TTLL6: variants seen among roughly 807,000 people sequenced by gnomAD.
TTLL6 encodes the protein tubulin tyrosine ligase like 6.
TTLL6 carries 75 observed loss-of-function variants against 96.4 expected under a neutral mutation model. The observed-to-expected ratio is 0.78, with a 90% CI of 0.65 to 0.94. The LOEUF is 0.94. Ranked by LOEUF, TTLL6 falls within the 40% of genes least tolerant of loss-of-function variation. The pLI is 0.00. For synonymous variants in TTLL6, 411 were observed against 419.4 expected (o/e 0.98, Z 0.24); for missense variants, 1,030 against 1,093.0 (o/e 0.94, Z 0.81).
At chr17:48,802,171 G>A (rs951648776) in intron 3 of TTLL6, among the ~76,000 whole-genome samples, 5 of 151,718 alleles carry the variant, frequency 3.3e-5, no homozygotes, top group Non-Finnish European at 5.9e-5. Flanking sequence ...AACATGGAGA[G>A]TTGAAAACTA....
intron 1 of TTLL6, among the ~76,000 whole-genome samples, chr17:48,808,797 C>T (rs1177455431): frequency 6.6e-6 from 1 of 152,146 alleles, no homozygotes; most frequent in African/African-American, 2.4e-5. Context: ...TCTCAAACTC[C>T]TGACCTCAAA....
At chr17:48,787,700 TG>T in intron 11 of TTLL6, 110 bp downstream of exon 11, 1 of 1,149,484 alleles carries the variant, frequency 8.7e-7, no homozygotes. Context: ...CTGGTTGCTC[TG>T]GCAACTTTCA....
intron 1 of TTLL6, among the ~76,000 whole-genome samples, chr17:48,807,366 C>A (rs2143474541): frequency 6.6e-6 from 1 of 152,228 alleles, no homozygotes; most frequent in East Asian, 1.9e-4. Flanking sequence ...GCTGGGATTA[C>A]AAGTGTGAGC....
intron 1 of TTLL6, among the ~76,000 whole-genome samples, chr17:48,805,254 G>T (rs1186726505): frequency 1.3e-5 from 2 of 152,216 alleles, no homozygotes; most frequent in Non-Finnish European, 2.9e-5. Context: ...AGAAGCCTGA[G>T]ATGCTGTGCA....
chr17:48,810,825 G>GTGTGTATATATA (rs368085735), intron 1 of TTLL6, among the ~76,000 whole-genome samples: 8 of 84,340 alleles, frequency 9.5e-5, no homozygotes, highest in African/African-American at 3.2e-4. Context: ...GTATGTGTGT[G>GTGTGTATATATA]TATATATATA....
At chr17:48,799,168 C>G (rs749941248) in intron 6 of TTLL6, among the ~76,000 whole-genome samples, 3 of 152,200 alleles carry the variant, frequency 2.0e-5, no homozygotes, top group Non-Finnish European at 4.4e-5. Context: ...AATGTTGTCC[C>G]CTGGCCATTT....
chr17:48,808,000 G>A (rs1253122923), intron 1 of TTLL6, among the ~76,000 whole-genome samples: 5 of 152,010 alleles, frequency 3.3e-5, no homozygotes, highest in South Asian at 2.1e-4. Context: ...CACCACGCCC[G>A]GCTAATTTTT....
In TTLL6 at chr17:48,791,496, G is replaced by T; in HGVS notation, c.1106C>A (p.Pro369His). 1 of 1,614,130 alleles carries T rather than the reference G, an allele frequency of 6.2e-7. No homozygotes were observed. Among genetic ancestry groups the T allele is most frequent in the Non-Finnish European group, 8.5e-7 (1 of 1,180,014 alleles). The change falls in exon 9 of 16, where the codon CCC (proline) becomes CAC (histidine). Residue 369 changes from proline to histidine, a missense_variant. By Grantham distance (77) the Pro-to-His change is moderately conservative. Transcript: ENST00000393382. ...GGTGTGGTAGTTATGCCTGATGATG[G>T]GGTGGGCCGAGATGAGGGTCTTGAT... ...VIIKTLISAHPIIRHNYHTCF... is the reference protein window; with the variant it reads ...VIIKTLISAHHIIRHNYHTCF...
At chr17:48,799,430 G>A (rs752706535) in intron 6 of TTLL6, among the ~76,000 whole-genome samples, 174 bp downstream of exon 6, 1 of 152,196 alleles carries the variant, frequency 6.6e-6, no homozygotes, top group Non-Finnish European at 1.5e-5. Flanking sequence ...ACTCTGGCCC[G>A]GGCACGTGTC....
At chr17:48,801,231 A>T (rs2039406656) in intron 5 of TTLL6, 24 bp downstream of exon 5, 1 of 1,545,768 alleles carries the variant, frequency 6.5e-7, no homozygotes, top group East Asian at 2.5e-5. Context: ...GTGGAGAAGG[A>T]AGTACAGGGC....
At chr17:48,784,166 G>A (rs1290061973) in intron 13 of TTLL6, among the ~76,000 whole-genome samples, 3 of 152,190 alleles carry the variant, frequency 2.0e-5, no homozygotes, top group East Asian at 1.9e-4. Context: ...GCTCACGTCT[G>A]TAATACCAAC....
At position 48,801,646 on chromosome 17, in the gene TTLL6, A is replaced by G; in HGVS notation, c.362-3T>C. ...GTACTGTTGGGCAGCCCTGCGCACT[A>G]TTGAAGAAAGAAAGGCCTATTAGCC... On this transcript the variant is annotated splice_polypyrimidine_tract_variant and splice_region_variant and intron_variant, in intron 3 of 15. Coordinates refer to ENST00000393382, the MANE Select transcript of TTLL6 (RefSeq NM_001130918.3). 1 of 1,550,916 alleles carries G rather than the reference A, an allele frequency of 6.4e-7. No individual in the cohort carries two copies. Among genetic ancestry groups the G allele is most frequent in the South Asian group, 1.2e-5 (1 of 84,020 alleles).
chr17:48,792,717 G>T (rs2039249548), intron 8 of TTLL6, among the ~76,000 whole-genome samples: 1 of 152,140 alleles, frequency 6.6e-6, no homozygotes. Context: ...TTTATATAAA[G>T]ACAGATAAGC....
chr17:48,782,434 C>T (rs777123691), intron 13 of TTLL6, among the ~76,000 whole-genome samples: 4 of 151,978 alleles, frequency 2.6e-5, no homozygotes, highest in South Asian at 2.1e-4. Context: ...GGATTACAGG[C>T]GTGAGCCACT....
At chr17:48,805,938 T>A (rs936269342) in intron 1 of TTLL6, among the ~76,000 whole-genome samples, 6 of 152,086 alleles carry the variant, frequency 3.9e-5, no homozygotes, top group African/African-American at 1.2e-4. Context: ...AGAGAAACCC[T>A]GTCTCTACTA....
chr17:48,786,468 C>A, intron 11 of TTLL6, 133 bp from the exon 12 acceptor site: 3 of 1,010,376 alleles, frequency 3.0e-6, no homozygotes, highest in Non-Finnish European at 4.5e-6. Context: ...CATATCCAGT[C>A]TGCACAAGTG....
intron 1 of TTLL6, among the ~76,000 whole-genome samples, chr17:48,811,529 C>G (rs1306897804): frequency 2.0e-5 from 3 of 152,078 alleles, no homozygotes; most frequent in African/African-American, 7.2e-5. Flanking sequence ...CTGTGCCCAG[C>G]TCAAGAGAGG....
At position 48,799,596 on chromosome 17, in the gene TTLL6, G is replaced by A; in HGVS notation, c.768+8C>T. On this transcript the variant is annotated splice_region_variant and intron_variant, in intron 6 of 15. Transcript: ENST00000393382. ...GGTGATAAATAAATAATCACAATGA[G>A]GAAGTACCTTTGAAATATACAGCTG... 1 of 1,551,336 alleles carries A rather than the reference G, an allele frequency of 6.4e-7. No homozygotes were observed. Among genetic ancestry groups the A allele is most frequent in the East Asian group, 2.4e-5 (1 of 40,904 alleles).
Position 48,797,274 on chromosome 17 carries a change from G to A in TTLL6, c.769-70C>T, listed in dbSNP as rs561501877. 457 of 1,468,514 alleles carry A rather than the reference G, an allele frequency of 3.1e-4. 6 individuals are homozygous for A. The South Asian group carries it at 5.8e-3, about 18-fold the overall frequency. The allele number at this position is 1,468,514 out of a possible 1,614,324, so 91.0% of individuals were successfully genotyped here. A position where few individuals can be genotyped will look rare whatever the true frequency, so the allele number is the denominator to read the frequency against. On this transcript the variant is annotated intron_variant, in intron 6 of 15. Transcript: ENST00000393382. The stretch of plus-strand genomic sequence containing the variant: ...TTACACTTGAAAATCACTAGCTCCC[G>A]CCTTGTTTCCATGGAGTTGGCTCCA...
Sources: allele counts gnomAD v4.1 joint callset (sites outside exome capture counted in the v4.1 genomes callset), GRCh38; gene constraint gnomAD v4.1.1; transcripts MANE v1.5; gene names NCBI Gene and HGNC (gene_info 2026-07-23, HGNC 2026-07-21).